Variants in COL4A2 observed in about 807,000 individuals in gnomAD.
COL4A2 encodes the protein collagen alpha-2(IV) chain.
Under a neutral mutation model 200.2 loss-of-function variants are expected in COL4A2, and 99 were observed. The ratio of observed to expected loss-of-function variants is 0.49; its 90% confidence interval spans 0.42 to 0.58. The LOEUF (loss-of-function observed/expected upper bound fraction) is 0.58. Among genes scored for constraint, COL4A2 ranks in the 20% least tolerant of loss-of-function variants. The pLI is 0.00. For missense variants in COL4A2, 1,950 were observed against 2,314.1 expected (o/e 0.84, Z 3.23); for synonymous variants, 897 against 900.6 (o/e 1.00, Z 0.07).
chr13:110,504,218 G>A lies in COL4A2; in HGVS notation c.4356G>A (p.Arg1452=). The A allele has an allele frequency of 6.2e-7, 1 of 1,614,114 alleles. No individual in the cohort carries two copies. The highest frequency in any genetic ancestry group is 8.5e-7 in the Non-Finnish European group (1 of 1,180,028). Residue 1452 remains arginine, a synonymous_variant, in exon 45 of 48, where the codon CGG becomes CGA. Transcript: ENST00000360467. ...GTGTGTCTGCTGTTCCCGGCTTCCG[G>A]GGAGATGAAGGACCCATAGGCCACC... ...RGGVSAVPGF[R]GDEGPIGHQG... is the part of the protein sequence containing the mutation.
intron 4 of COL4A2, among the ~76,000 whole-genome samples, chr13:110,382,732 T>G (rs1388974311): frequency 1.3e-5 from 2 of 152,226 alleles, no homozygotes; most frequent in Non-Finnish European, 2.9e-5. Context: ...ATTCAAACTT[T>G]AAGGAACGCT....
intron 17 of COL4A2, among the ~76,000 whole-genome samples, chr13:110,446,147 G>A (rs1436470034): frequency 6.6e-6 from 1 of 152,232 alleles, no homozygotes; most frequent in Non-Finnish European, 1.5e-5. Context: ...CAGCCCTGGG[G>A]AAGGCAGGCC....
chr13:110,328,759 A>G (rs763642986), intron 3 of COL4A2, among the ~76,000 whole-genome samples: 1 of 152,236 alleles, frequency 6.6e-6, no homozygotes, highest in Non-Finnish European at 1.5e-5. Flanking sequence ...TCCGTCACCC[A>G]GCAGCGTCTC....
At chr13:110,510,797 G>A (rs1884058520) in intron 47 of COL4A2, among the ~76,000 whole-genome samples, 1 of 152,206 alleles carries the variant, frequency 6.6e-6, no homozygotes, top group African/African-American at 2.4e-5. Flanking sequence ...GGAGTCCCAG[G>A]TGTCTCCTTT....
chr13:110,386,490 A>G (rs1179237890), intron 4 of COL4A2, among the ~76,000 whole-genome samples: 1 of 152,172 alleles, frequency 6.6e-6, no homozygotes, highest in Non-Finnish European at 1.5e-5. Context: ...ATCCCTTAGT[A>G]TCTTTGATCC....
At chr13:110,446,009 C>G (rs767150824) in intron 17 of COL4A2, 127 bp downstream of exon 17, 1 of 944,658 alleles carries the variant, frequency 1.1e-6, no homozygotes, top group Non-Finnish European at 1.7e-6. Flanking sequence ...CCCAAATACA[C>G]GGCCTCTGAC....
At chr13:110,357,668 A>T (rs1361103109) in intron 4 of COL4A2, 116 bp downstream of exon 4, 1 of 1,438,160 alleles carries the variant, frequency 7.0e-7, no homozygotes, top group African/African-American at 1.4e-5. Flanking sequence ...TTGCTTGAAC[A>T]TACTGGAGAG....
chr13:110,449,932 C>T (rs1347994206), intron 19 of COL4A2, 143 bp downstream of exon 19: 2 of 911,018 alleles, frequency 2.2e-6, no homozygotes, highest in Non-Finnish European at 3.3e-6. Flanking sequence ...CTCTAAGGAG[C>T]CCCGCACACA....
intron 39 of COL4A2, among the ~76,000 whole-genome samples, chr13:110,494,158 A>T (rs1883377791): frequency 6.6e-6 from 1 of 152,172 alleles, no homozygotes; most frequent in Non-Finnish European, 1.5e-5. Flanking sequence ...CTGAATGGGG[A>T]TATAAAGACT....
At chr13:110,455,531 G>A (rs939260806) in intron 20 of COL4A2, among the ~76,000 whole-genome samples, 3 of 152,152 alleles carry the variant, frequency 2.0e-5, no homozygotes, top group Non-Finnish European at 4.4e-5. Flanking sequence ...TGTGTTTCCT[G>A]CATTGTGTGT....
intron 3 of COL4A2, among the ~76,000 whole-genome samples, chr13:110,330,132 A>T (rs761125294): frequency 5.3e-5 from 8 of 152,220 alleles, no homozygotes; most frequent in Non-Finnish European, 1.0e-4. Context: ...TAAGGACTCA[A>T]GGCTTTCCAC....
intron 20 of COL4A2, among the ~76,000 whole-genome samples, chr13:110,455,900 C>G (rs1881714076): frequency 6.6e-6 from 1 of 152,172 alleles, no homozygotes; most frequent in Non-Finnish European, 1.5e-5. Flanking sequence ...GTGTGTATAG[C>G]AACATGCCTT....
intron 3 of COL4A2, among the ~76,000 whole-genome samples, chr13:110,341,898 G>A (rs756545120): frequency 3.3e-5 from 5 of 152,182 alleles, no homozygotes; most frequent in South Asian, 2.1e-4. Flanking sequence ...GAGGAAGTCC[G>A]CGTTTGTGGA....
In COL4A2 at chr13:110,511,940, G is replaced by C; in HGVS notation, c.4888G>C (p.Ala1630Pro). The C allele has an allele frequency of 6.2e-7, 1 of 1,613,556 alleles. No homozygotes were observed. Among genetic ancestry groups the C allele is most frequent in the African/African-American group, 1.3e-5 (1 of 75,074 alleles). The change falls in exon 48 of 48, where the codon GCG (alanine) becomes CCG (proline). Residue 1630 changes from alanine (A) to proline (P), a missense_variant. By Grantham distance (27) the Ala-to-Pro change is conservative. This residue lies in a region of COL4A2 where 1,385 missense variants were observed against 1,720.5 expected (regional missense o/e 0.80). Transcript: ENST00000360467. ...WIGYSFLMHT[A>P]AGDEGGGQSL... The stretch of plus-strand genomic sequence containing the variant: ...TGCCCCCCTCTCTGTGCAGCACACG[G>C]CGGCGGGAGACGAAGGCGGTGGCCA...
chr13:110,325,711 T>C (rs1446849276), intron 3 of COL4A2, among the ~76,000 whole-genome samples: 1 of 152,188 alleles, frequency 6.6e-6, no homozygotes, highest in Admixed American at 6.5e-5. Context: ...ACACGGAAGC[T>C]ACACTTTGCT....
intron 4 of COL4A2, among the ~76,000 whole-genome samples, chr13:110,419,654 T>C (rs553772097): frequency 6.6e-6 from 1 of 152,296 alleles, no homozygotes; most frequent in African/African-American, 2.4e-5. Flanking sequence ...GTAATGTGGG[T>C]TCAAGTCTGG....
At chr13:110,317,143 CAT>C (rs149775855) in intron 3 of COL4A2, among the ~76,000 whole-genome samples, 7,955 of 151,490 alleles carry the variant, frequency 0.053, 554 homozygotes, top group East Asian at 0.36. Flanking sequence ...CCCACACACA[CAT>C]ACAGACACAC....
At chr13:110,438,581 C>CT in intron 14 of COL4A2, 37 bp from the exon 15 acceptor site, 1 of 1,613,976 alleles carries the variant, frequency 6.2e-7, no homozygotes, top group Non-Finnish European at 8.5e-7. Context: ...GGGGCCGCCC[C>CT]TGGGTTGCTC....
At position 110,501,674 on chromosome 13, in the gene COL4A2, G is replaced by A. The variant is rs1594112184; in HGVS notation, c.3767G>A (p.Arg1256Gln). 6 of 1,613,520 alleles carry A rather than the reference G, an allele frequency of 3.7e-6. No individual in the cohort carries two copies. Among genetic ancestry groups the A allele is most frequent in the African/African-American group, 2.7e-5 (2 of 74,924 alleles). ...QKGDQGAPGE[R>Q]GPPGSPGLQG... is the part of the protein sequence containing the mutation. ...CTTCTGTTTTCATCCTAAGGGGAACGAGGCCCACCTGGGAGCCCAGGACTT... is the reference window on the plus strand; with the variant it reads ...CTTCTGTTTTCATCCTAAGGGGAACAAGGCCCACCTGGGAGCCCAGGACTT... The change falls in exon 41 of 48, where the codon CGA (arginine) becomes CAA (glutamine). Residue 1256 changes from arginine (R) to glutamine (Q), a missense_variant. This residue lies in a region of COL4A2 where 1,385 missense variants were observed against 1,720.5 expected (regional missense o/e 0.80). Coordinates refer to ENST00000360467, the MANE Select transcript of COL4A2 (RefSeq NM_001846.4).
Sources: gnomAD v4.1 joint callset for allele counts (sites outside exome capture counted in the v4.1 genomes callset) on GRCh38, gnomAD v4.1.1 for gene constraint, gnomAD v4.1.1 regional missense constraint, MANE v1.5 for transcripts, NCBI Gene and HGNC (gene_info 2026-07-23, HGNC 2026-07-21) for gene names.